TMEM247: variants seen among roughly 807,000 people sequenced by gnomAD.
The protein encoded by TMEM247 is transmembrane protein 247, also known as transmembrane protein ENSP00000343375.
TMEM247 carries 23 observed loss-of-function variants against 20.7 expected under a neutral mutation model. The ratio of observed to expected loss-of-function variants is 1.11; its 90% confidence interval spans 0.80 to 1.57. TMEM247 has a LOEUF of 1.57. Ranked by LOEUF, TMEM247 falls within the 40% of genes most tolerant of loss-of-function variation. The pLI is 0.00. For missense variants in TMEM247, 354 were observed against 283.8 expected (o/e 1.25, Z -1.78); for synonymous variants, 106 against 111.9 (o/e 0.95, Z 0.33).
In TMEM247 at chr2:46,482,055, C is replaced by A. The variant is rs1471117635; in HGVS notation, c.477+1291C>A. Among the ~76,000 whole-genome samples, 6 of 152,270 alleles carry A rather than the reference C, an allele frequency of 3.9e-5. No individual in the cohort carries two copies. In the East Asian group the frequency reaches 1.2e-3, roughly 29 times the overall value. ...ATAGCATTTCCCCAATTGACTGGTCCAGTTTTGTTTCTGTTTTTTTAAGAA... is the reference window on the plus strand; with the variant it reads ...ATAGCATTTCCCCAATTGACTGGTCAAGTTTTGTTTCTGTTTTTTTAAGAA... On this transcript the variant is annotated intron_variant, in intron 2 of 2. Coordinates refer to ENST00000434431, the Ensembl canonical transcript of TMEM247.
chr2:46,483,229 T>C (rs769364173), intron 2 of TMEM247, among the ~76,000 whole-genome samples: 8 of 152,244 alleles, frequency 5.3e-5, no homozygotes, highest in Non-Finnish European at 7.3e-5. Flanking sequence ...TATACATTGA[T>C]ACTTTCTACA....
chr2:46,480,267 A>T, intron 1 of TMEM247, 138 bp from the exon 2 acceptor site: 1 of 1,033,722 alleles, frequency 9.7e-7, no homozygotes, highest in Non-Finnish European at 1.4e-6. Context: ...AGCACTTCTA[A>T]TAAGAATTCA....
exon 1 of TMEM247, chr2:46,479,679 G>C (rs1223025661): frequency 6.4e-7 from 1 of 1,551,750 alleles, no homozygotes; most frequent in Admixed American, 2.0e-5. Context: ...CTCCAAGTCT[G>C]AAGGGAAGCC....
At chr2:46,480,140 A>C in intron 1 of TMEM247, among the ~76,000 whole-genome samples, 1 of 152,262 alleles carries the variant, frequency 6.6e-6, no homozygotes, top group East Asian at 1.9e-4. Flanking sequence ...AAATCACTAG[A>C]AAAATGGACA....
At position 46,484,346 on chromosome 2, in the gene TMEM247, GTCT is replaced by G. The variant is rs1290234000; in HGVS notation, c.585_587del (p.Phe196del). On this transcript the variant is annotated inframe_deletion, in exon 3 of 3. Transcript: ENST00000434431. ...CATCATCTATGTCACCAAGGAGATGGTCTTCTTTCTCTTCGCCAAGCACTACCT... is the reference window on the plus strand; with the variant it reads ...CATCATCTATGTCACCAAGGAGATGGTCTTTCTCTTCGCCAAGCACTACCT... The G allele has an allele frequency of 9.7e-6, 15 of 1,552,244 alleles. No individual in the cohort carries two copies. The East Asian group carries it at 2.4e-4, about 25-fold the overall frequency.
At chr2:46,480,806 G>T in intron 2 of TMEM247, 42 bp downstream of exon 2, 1 of 1,513,612 alleles carries the variant, frequency 6.6e-7, no homozygotes, top group South Asian at 1.3e-5. Context: ...GGGAGGCCTG[G>T]AGCTGAAGTC....
chr2:46,479,948 G>T (rs974906366), intron 1 of TMEM247, among the ~76,000 whole-genome samples: 1 of 152,112 alleles, frequency 6.6e-6, no homozygotes, highest in Admixed American at 6.5e-5. Context: ...TCCTTGCTGG[G>T]TGGATAGGAC....
At chr2:46,480,793 G>T in intron 2 of TMEM247, 29 bp downstream of exon 2, 1 of 1,341,202 alleles carries the variant, frequency 7.5e-7, no homozygotes, top group Non-Finnish European at 9.7e-7. Flanking sequence ...GGCACTGGGA[G>T]GAGGGAGGCC....
intron 2 of TMEM247, 134 bp downstream of exon 2, chr2:46,480,898 G>C: frequency 7.9e-7 from 1 of 1,266,998 alleles, no homozygotes; most frequent in Non-Finnish European, 1.1e-6. Context: ...GGCTGAAAGG[G>C]GCTGAGCATC....
exon 3 of TMEM247, chr2:46,484,277 C>A: frequency 6.4e-7 from 1 of 1,551,734 alleles, no homozygotes; most frequent in Non-Finnish European, 8.7e-7. Flanking sequence ...CCTGCTGCCC[C>A]AGAACCAGTT....
chr2:46,483,157 A>C (rs546278363), intron 2 of TMEM247, among the ~76,000 whole-genome samples: 1 of 152,364 alleles, frequency 6.6e-6, no homozygotes, highest in South Asian at 2.1e-4. Context: ...TATTTTAAAA[A>C]ATAATGCATG....
intron 2 of TMEM247, among the ~76,000 whole-genome samples, chr2:46,483,564 C>T (rs956871365): frequency 2.6e-5 from 4 of 152,204 alleles, no homozygotes; most frequent in Admixed American, 6.5e-5. Flanking sequence ...ACTCCCAAGA[C>T]CCAACATCCA....
chr2:46,482,382 C>T (rs1320388374), intron 2 of TMEM247, among the ~76,000 whole-genome samples: 1 of 152,192 alleles, frequency 6.6e-6, no homozygotes, highest in African/African-American at 2.4e-5. Flanking sequence ...AAATCTGTCA[C>T]AAAGTGGAAC....
chr2:46,483,317 C>T (rs1310681396), intron 2 of TMEM247, among the ~76,000 whole-genome samples: 8 of 152,200 alleles, frequency 5.3e-5, no homozygotes, highest in Non-Finnish European at 7.3e-5. Flanking sequence ...AGCCAGACAA[C>T]TCAAGCTGCT....
At chr2:46,483,704 G>C (rs1686934049) in intron 2 of TMEM247, among the ~76,000 whole-genome samples, 1 of 152,162 alleles carries the variant, frequency 6.6e-6, no homozygotes, top group Non-Finnish European at 1.5e-5. Flanking sequence ...AGCTCAAAAA[G>C]TAAAAAATGA....
chr2:46,482,215 C>T (rs1686903316), intron 2 of TMEM247, among the ~76,000 whole-genome samples: 1 of 152,242 alleles, frequency 6.6e-6, no homozygotes, highest in Non-Finnish European at 1.5e-5. Context: ...GTCAAGCTTA[C>T]TGAACTTGGA....
chr2:46,479,954 A>G (rs1298942819), intron 1 of TMEM247, among the ~76,000 whole-genome samples: 1 of 152,134 alleles, frequency 6.6e-6, no homozygotes, highest in Non-Finnish European at 1.5e-5. Context: ...CTGGGTGGAT[A>G]GGACCTGGCT....
chr2:46,480,727 T>C (rs1298616922), exon 2 of TMEM247: 1 of 1,551,410 alleles, frequency 6.4e-7, no homozygotes, highest in East Asian at 2.4e-5. Context: ...CACGAGGTGG[T>C]GATGGAGCAG....
At chr2:46,482,886 C>A (rs1164319725) in intron 2 of TMEM247, among the ~76,000 whole-genome samples, 3 of 152,210 alleles carry the variant, frequency 2.0e-5, no homozygotes, top group Non-Finnish European at 4.4e-5. Flanking sequence ...GCAGCTGTTT[C>A]AACAGTGATG....
Sources: gnomAD v4.1 joint callset for allele counts (sites outside exome capture counted in the v4.1 genomes callset) on GRCh38, gnomAD v4.1.1 for gene constraint, MANE v1.5 for transcripts, NCBI Gene and HGNC (gene_info 2026-07-23, HGNC 2026-07-21) for gene names.